Variants in RFFL observed in about 807,000 individuals in gnomAD.
RFFL encodes E3 ubiquitin-protein ligase rififylin.
In RFFL, 16 loss-of-function variants were observed where a neutral mutation model predicts 40.4. That is an observed-to-expected ratio of 0.40 (90% CI 0.27 to 0.60). The LOEUF (loss-of-function observed/expected upper bound fraction) is 0.60, where lower values mean the gene tolerates loss of function less well. Among genes scored for constraint, RFFL ranks in the 20% least tolerant of loss-of-function variants. The probability of loss-of-function intolerance (pLI) is 0.47; values close to 1 mark genes in which losing one functional copy is unlikely to be tolerated. For missense variants in RFFL, 367 were observed against 451.7 expected (o/e 0.81, Z 1.70); for synonymous variants, 154 against 167.9 (o/e 0.92, Z 0.64).
In RFFL at chr17:35,048,031, C is replaced by T. The variant is rs190050392; in HGVS notation, c.-9+15545G>A. ...CCTTCCACAGTGCTGGGATTATAGG[C>T]GTGAACCACTGCACTCAGCCCATTA... is the stretch of plus-strand genomic sequence containing the variant. On this transcript the variant is annotated intron_variant, in intron 1 of 6. Transcript: ENST00000394597. Among the ~76,000 whole-genome samples the T allele has an allele frequency of 3.8e-3, 571 of 152,092 alleles. 6 individuals are homozygous for T. The highest frequency in any genetic ancestry group is 0.013 in the African/African-American group (537 of 41,480).
At chr17:35,030,544 C>T (rs1468034550) in intron 1 of RFFL, among the ~76,000 whole-genome samples, 3 of 152,044 alleles carry the variant, frequency 2.0e-5, no homozygotes, top group Non-Finnish European at 2.9e-5. Flanking sequence ...TCATGATCTG[C>T]CCACCTCAGC....
rs1282380042 is a variant in RFFL, at chr17:35,009,196, CAAGT to C, written c.*2768_*2771del. The C allele has an allele frequency of 2.6e-5, 4 of 152,704 alleles. No homozygotes were observed. The East Asian group carries it at 7.7e-4, about 29-fold the overall frequency. 9.5% of individuals were successfully genotyped at this position (152,704 alleles called of 1,614,324 possible). ...ACACATTTGGGTTTGCTTTAACCTC[CAAGT>C]AAGTCTGAGAAAATCTTAATAAAAG... On this transcript the variant is annotated 3_prime_UTR_variant, in exon 7 of 7. Coordinates refer to ENST00000394597, the MANE Select transcript of RFFL (RefSeq NM_001017368.2).
At chr17:35,047,187 A>AT (rs1034467820) in intron 1 of RFFL, among the ~76,000 whole-genome samples, 6 of 151,824 alleles carry the variant, frequency 4.0e-5, no homozygotes, top group African/African-American at 1.2e-4. Flanking sequence ...GGTAACCAGG[A>AT]TTTTTTTTTA....
At chr17:35,045,101 C>T (rs983947904) in intron 1 of RFFL, among the ~76,000 whole-genome samples, 2 of 151,796 alleles carry the variant, frequency 1.3e-5, no homozygotes, top group African/African-American at 4.8e-5. Context: ...GCATGAATCT[C>T]CTGTACCTCT....
At chr17:35,072,341 C>T (rs1410714964) in intron 1 of RFFL, among the ~76,000 whole-genome samples, 1 of 151,678 alleles carries the variant, frequency 6.6e-6, no homozygotes, top group African/African-American at 2.4e-5. Context: ...ACAAAAAACC[C>T]AGTCTTAAAA....
At chr17:35,059,270 C>T (rs768953997) in intron 1 of RFFL, among the ~76,000 whole-genome samples, 1 of 152,020 alleles carries the variant, frequency 6.6e-6, no homozygotes, top group Non-Finnish European at 1.5e-5. Context: ...CCACTCACCT[C>T]GGCCTCCCAA....
In RFFL at chr17:35,071,599, T is replaced by TA. The variant is rs2091351162; in HGVS notation, c.-9+17505dup. On this transcript the variant is annotated intron_variant, in intron 1 of 6. Transcript: ENST00000315249. ...CACCATTGCACTCCAGCCTGGGTGA[T>TA]AGAGTGAGTGAGACACTGTCCAAAA... Among the ~76,000 whole-genome samples, 3 of 151,318 alleles carry TA rather than the reference T, an allele frequency of 2.0e-5. No individual in the cohort carries two copies. In the South Asian group the frequency reaches 6.3e-4, roughly 32 times the overall value.
intron 1 of RFFL, among the ~76,000 whole-genome samples, chr17:35,055,379 T>C (rs535262575): frequency 2.1e-4 from 32 of 152,144 alleles, no homozygotes; most frequent in African/African-American, 6.7e-4. Context: ...AAATATAACT[T>C]TAATTAAGCA....
chr17:35,023,684 G>A (rs562082533), intron 2 of RFFL, among the ~76,000 whole-genome samples: 1 of 152,312 alleles, frequency 6.6e-6, no homozygotes, highest in East Asian at 1.9e-4. Flanking sequence ...TACTTAAGTC[G>A]ATGCAGTCTG....
At chr17:35,040,128 G>C (rs2091154207) in intron 1 of RFFL, among the ~76,000 whole-genome samples, 1 of 152,140 alleles carries the variant, frequency 6.6e-6, no homozygotes, top group Admixed American at 6.6e-5. Flanking sequence ...TCTCAGCAAT[G>C]CTGGACACAA....
intron 1 of RFFL, among the ~76,000 whole-genome samples, chr17:35,086,207 G>A (rs577441231): frequency 6.6e-6 from 1 of 152,288 alleles, no homozygotes; most frequent in Non-Finnish European, 1.5e-5. Flanking sequence ...TCTTTAGGCT[G>A]GGCACAGTGG....
At chr17:35,017,633 A>G (rs1305099012) in intron 3 of RFFL, 27 bp from the exon 4 acceptor site, 11 of 1,438,946 alleles carry the variant, frequency 7.6e-6, no homozygotes, top group African/African-American at 1.4e-5. Flanking sequence ...GTAACATCAC[A>G]TCTAGAGATG....
rs190816654 is a variant in RFFL, at chr17:35,086,171, G to T, written c.-9+2934C>A. ...AGATATTTCCTTACGAAAGACCCGG[G>T]AGTCTGTTTCTATATGAAAAGCTTG... On this transcript the variant is annotated intron_variant, in intron 1 of 6. Transcript: ENST00000315249. 3.0e-3 allele frequency among the ~76,000 whole-genome samples: 455 copies of T among 152,224 alleles called. 2 individuals carry two copies. The highest frequency in any genetic ancestry group is 0.011 in the African/African-American group (436 of 41,524).
At chr17:35,045,068 T>A (rs548791453) in intron 1 of RFFL, among the ~76,000 whole-genome samples, 1 of 151,362 alleles carries the variant, frequency 6.6e-6, no homozygotes, top group Admixed American at 6.6e-5. Flanking sequence ...CTTATAACCA[T>A]AATTGATTTA....
intron 1 of RFFL, among the ~76,000 whole-genome samples, chr17:35,058,340 T>C (rs1216377396): frequency 6.6e-6 from 1 of 152,210 alleles, no homozygotes; most frequent in Admixed American, 6.5e-5. Flanking sequence ...CCTAGGAGCT[T>C]ATGCTTGTAA....
At chr17:35,064,250 A>C (rs530841797), upstream of RFFL, among the ~76,000 whole-genome samples, 68 of 152,116 alleles carry the variant, frequency 4.5e-4, 1 homozygote, top group South Asian at 0.013. Flanking sequence ...CTATTTCTTC[A>C]GACAACTCAA....
chr17:35,051,039 T>TA (rs1368437183), intron 1 of RFFL, among the ~76,000 whole-genome samples: 1 of 152,294 alleles, frequency 6.6e-6, no homozygotes, highest in Non-Finnish European at 1.5e-5. Context: ...CATTGTTATT[T>TA]AAAAAAATAG....
intron 1 of RFFL, among the ~76,000 whole-genome samples, chr17:35,079,581 G>A: frequency 6.6e-6 from 1 of 152,178 alleles, no homozygotes; most frequent in Non-Finnish European, 1.5e-5. Flanking sequence ...AGGTGAAGCT[G>A]CAGAACTACT....
chr17:35,022,224 C>T (rs1276045436), intron 2 of RFFL, among the ~76,000 whole-genome samples: 1 of 152,172 alleles, frequency 6.6e-6, no homozygotes, highest in Non-Finnish European at 1.5e-5. Flanking sequence ...GTATCTACCT[C>T]ATGGGGTTGT....
Sources: allele counts gnomAD v4.1 joint callset (sites outside exome capture counted in the v4.1 genomes callset), GRCh38; gene constraint gnomAD v4.1.1; transcripts MANE v1.5; gene names NCBI Gene and HGNC (gene_info 2026-07-23, HGNC 2026-07-21).